Variants in CALN1 observed in about 807,000 individuals in gnomAD.
The protein encoded by CALN1 is calcium-binding protein 8.
CALN1 carries 17 observed loss-of-function variants against 30.6 expected under a neutral mutation model. The observed-to-expected ratio is 0.56, with a 90% CI of 0.38 to 0.83. The LOEUF is 0.83. CALN1 is among the 40% of genes least tolerant of loss of function. CALN1 has a pLI of 0.00. For missense variants in CALN1, 291 were observed against 354.9 expected, an observed-to-expected ratio of 0.82 and a Z score of 1.45; for synonymous variants, 156 against 131.4, an observed-to-expected ratio of 1.19 and a Z score of -1.28.
chr7:72,323,680 AAT>A, intron 2 of CALN1, among the ~76,000 whole-genome samples: 5 of 150,714 alleles, frequency 3.3e-5, no homozygotes, highest in Non-Finnish European at 4.4e-5. Flanking sequence ...AAAAATAAAA[AAT>A]AAAGAGAACA....
chr7:71,794,704 C>A (rs549851256), intron 6 of CALN1, among the ~76,000 whole-genome samples: 2 of 152,358 alleles, frequency 1.3e-5, no homozygotes, highest in South Asian at 4.1e-4. Flanking sequence ...GAAACCCCTG[C>A]TGGTTTTTCA....
rs114402773 is a variant in CALN1 at position 72,438,397 on chromosome 7, C to T, written c.-226+8645G>A. Among the ~76,000 whole-genome samples, 319 of 152,294 alleles carry T rather than the reference C, an allele frequency of 2.1e-3. 2 individuals carry two copies. Among genetic ancestry groups the T allele is most frequent in the African/African-American group, 7.2e-3 (298 of 41,562 alleles). On this transcript the variant is annotated intron_variant, in intron 1 of 6. Transcript: ENST00000395276. ...TCAGCCTCCCAGAGTGTTGAGATTA[C>T]AGAAGTGAGCCACGGCACCCAGCCT...
At chr7:72,261,079 G>T in intron 3 of CALN1, among the ~76,000 whole-genome samples, 1 of 152,166 alleles carries the variant, frequency 6.6e-6, no homozygotes, top group Admixed American at 6.6e-5. Flanking sequence ...AGGCCGAGGA[G>T]GGTAGATCAC....
chr7:71,832,886 G>A lies in CALN1; in HGVS notation c.502-22394C>T, dbSNP rs1237353560. Reference sequence around the variant, plus strand: ...CTCCCAAAGTGCTGGGATTACAGGCGTGAGCCGCCATGCTCGCCCACTTCC... The same window carrying A: ...CTCCCAAAGTGCTGGGATTACAGGCATGAGCCGCCATGCTCGCCCACTTCC... On this transcript the variant is annotated intron_variant, in intron 5 of 6. Coordinates refer to ENST00000395275, the MANE Select transcript of CALN1 (RefSeq NM_031468.4). Among the ~76,000 whole-genome samples, 5 of 152,050 alleles carry A rather than the reference G, an allele frequency of 3.3e-5. No homozygotes were observed. The East Asian group carries it at 5.8e-4, about 18-fold the overall frequency.
chr7:72,229,720 G>T (rs1793945158), intron 3 of CALN1, among the ~76,000 whole-genome samples: 1 of 151,954 alleles, frequency 6.6e-6, no homozygotes. Flanking sequence ...CTCATAAGTG[G>T]AAGTTGAACA....
intron 5 of CALN1, among the ~76,000 whole-genome samples, chr7:71,941,729 C>T (rs2129522673): frequency 6.6e-6 from 1 of 152,268 alleles, no homozygotes; most frequent in Non-Finnish European, 1.5e-5. Flanking sequence ...CATCATCATG[C>T]CAGAAATCAA....
intron 1 of CALN1, among the ~76,000 whole-genome samples, chr7:72,418,377 C>T (rs1469789428): frequency 1.3e-5 from 2 of 152,186 alleles, no homozygotes; most frequent in Non-Finnish European, 2.9e-5. Context: ...ATGATGGGCA[C>T]CTACGTCGAT....
chr7:72,198,923 A>G (rs1334753370), intron 3 of CALN1, among the ~76,000 whole-genome samples: 1 of 152,186 alleles, frequency 6.6e-6, no homozygotes, highest in Non-Finnish European at 1.5e-5. Context: ...GTGCTCTCAA[A>G]GGCACCCTTA....
intron 5 of CALN1, among the ~76,000 whole-genome samples, chr7:71,992,154 A>G (rs1798988332): frequency 6.6e-6 from 1 of 152,254 alleles, no homozygotes; most frequent in African/African-American, 2.4e-5. Context: ...CAAAGACATT[A>G]TGACTATCAC....
the CALN1 span, among the ~76,000 whole-genome samples, chr7:72,467,917 TTA>T: frequency 6.6e-6 from 1 of 152,210 alleles, no homozygotes; most frequent in East Asian, 1.9e-4. Flanking sequence ...CCAATTTGTA[TTA>T]TATCTCTCTG....
intron 1 of CALN1, among the ~76,000 whole-genome samples, chr7:72,433,954 G>A (rs545537693): frequency 5.6e-4 from 85 of 152,002 alleles, no homozygotes; most frequent in African/African-American, 1.9e-3. Flanking sequence ...TCAGCTACTC[G>A]GGAAGCTGAG....
At chr7:72,260,330 G>A (rs895110474) in intron 3 of CALN1, among the ~76,000 whole-genome samples, 9 of 152,196 alleles carry the variant, frequency 5.9e-5, no homozygotes, top group Non-Finnish European at 1.0e-4. Flanking sequence ...AACTCCGTTT[G>A]TTGAACTCCA....
chr7:71,831,886 AAAAAAAAAAAAC>A (rs1789303068), intron 5 of CALN1, among the ~76,000 whole-genome samples: 2 of 149,808 alleles, frequency 1.3e-5, no homozygotes, highest in Non-Finnish European at 3.0e-5. Context: ...AAAAAAAAAA[AAAAAAAAAAAAC>A]AAACCAAAAA....
chr7:72,358,359 T>G (rs1490699730), intron 2 of CALN1, among the ~76,000 whole-genome samples: 1 of 151,962 alleles, frequency 6.6e-6, no homozygotes, highest in Non-Finnish European at 1.5e-5. Flanking sequence ...ATCTCTATAT[T>G]TCCTCGCTCA....
At position 71,782,379 on chromosome 7, in the gene CALN1, T is replaced by C. The variant is rs935372249; in HGVS notation, c.*5396A>G. On this transcript the variant is annotated 3_prime_UTR_variant, in exon 7 of 7. Coordinates refer to ENST00000395275, the MANE Select transcript of CALN1 (RefSeq NM_031468.4). Reference sequence around the variant, plus strand: ...TGACGTGCCTGCTCCCCCTTCACCTTCCACCATGGGTCAAAGCTTTCTGAG... The same window carrying C: ...TGACGTGCCTGCTCCCCCTTCACCTCCCACCATGGGTCAAAGCTTTCTGAG... The C allele has an allele frequency of 6.6e-6, 1 of 152,160 alleles. No individual in the cohort carries two copies. The highest frequency in any genetic ancestry group is 2.4e-5 in the African/African-American group (1 of 41,430). 9.4% of individuals were successfully genotyped at this position (152,160 alleles called of 1,614,324 possible).
chr7:72,236,079 C>CAAA (rs11299009), intron 3 of CALN1, among the ~76,000 whole-genome samples: 9 of 118,538 alleles, frequency 7.6e-5, no homozygotes, highest in Non-Finnish European at 1.1e-4. Flanking sequence ...CCATTCTCCA[C>CAAA]AAAAAAAAAA....
intron 3 of CALN1, among the ~76,000 whole-genome samples, chr7:72,224,938 CA>C (rs949469935): frequency 6.7e-5 from 10 of 149,012 alleles, no homozygotes; most frequent in Admixed American, 1.3e-4. Context: ...TACACACACA[CA>C]AAAAAAAAAT....
chr7:72,362,162 T>C (rs2129559830), intron 2 of CALN1, among the ~76,000 whole-genome samples: 1 of 152,300 alleles, frequency 6.6e-6, no homozygotes, highest in Admixed American at 6.5e-5. Context: ...TCCAAATGAA[T>C]AAAATATCCA....
chr7:71,965,094 C>G (rs111645121), intron 5 of CALN1, among the ~76,000 whole-genome samples: 3 of 152,178 alleles, frequency 2.0e-5, no homozygotes, highest in Non-Finnish European at 4.4e-5. Flanking sequence ...GTGGTGCCAT[C>G]GTAGCTCACT....
Sources: allele counts gnomAD v4.1 joint callset (sites outside exome capture counted in the v4.1 genomes callset), GRCh38; gene constraint gnomAD v4.1.1; transcripts MANE v1.5; gene names NCBI Gene and HGNC (gene_info 2026-07-23, HGNC 2026-07-21).